RTN3: variants seen among roughly 807,000 people sequenced by gnomAD.
The protein encoded by RTN3 is reticulon-3.
In RTN3, 49 loss-of-function variants were observed where a neutral mutation model predicts 77.8. That is an observed-to-expected ratio of 0.63 (90% confidence interval 0.50 to 0.80). RTN3 has a LOEUF of 0.80. RTN3 is among the 30% of genes least tolerant of loss of function. RTN3 has a pLI of 0.00. For missense variants in RTN3, 1,236 were observed against 1,211.9 expected, an observed-to-expected ratio of 1.02 and a Z score of -0.29; for synonymous variants, 464 against 446.9, an observed-to-expected ratio of 1.04 and a Z score of -0.48.
chr11:63,720,601 G>A lies in RTN3; in HGVS notation c.2099G>A (p.Gly700Asp). 1 of 1,613,958 alleles carries A rather than the reference G, an allele frequency of 6.2e-7. No homozygotes were observed. Among genetic ancestry groups the A allele is most frequent in the South Asian group, 1.1e-5 (1 of 91,052 alleles). ...GTCTTACATGAAAATGAGTCCGGTGGTTCTGAAATTAAAGACATTGGAAGC... is the reference window on the plus strand; with the variant it reads ...GTCTTACATGAAAATGAGTCCGGTGATTCTGAAATTAAAGACATTGGAAGC... ...VEVLHENESGGSEIKDIGSKY... is the reference protein window; with the variant it reads ...VEVLHENESGDSEIKDIGSKY... Residue 700 changes from glycine to aspartate, a missense_variant, in exon 3 of 9, where the codon GGT (glycine) becomes GAT (aspartate). Gly to Asp is a moderately conservative substitution (Grantham distance 94). Transcript: ENST00000377819.
chr11:63,703,745 T>C (rs1246499797), intron 1 of RTN3, among the ~76,000 whole-genome samples: 2 of 151,440 alleles, frequency 1.3e-5, no homozygotes, highest in Non-Finnish European at 1.5e-5. Context: ...GGTTTCACCG[T>C]GTTAGCCAGG....
Position 63,720,626 on chromosome 11 carries a change from C to G in RTN3, c.2124C>G (p.Ser708Arg), listed in dbSNP as rs773178728. Residue 708 changes from serine (S) to arginine (R), a missense_variant, in exon 3 of 9, where the codon AGC becomes AGG. Coordinates refer to ENST00000377819, the MANE Select transcript of RTN3 (RefSeq NM_001265589.2). ...GTTCTGAAATTAAAGACATTGGAAG[C>G]AAATACAGTGAACAAAGCAAAGAAA... is the stretch of plus-strand genomic sequence containing the variant. ...SGGSEIKDIG[S>R]KYSEQSKETN... 5.0e-6 allele frequency: 8 copies of G among 1,613,928 alleles called. No individual in the cohort carries two copies. The East Asian group carries it at 1.8e-4, about 36-fold the overall frequency.
At position 63,719,810 on chromosome 11, in the gene RTN3, G is replaced by T; in HGVS notation, c.1308G>T (p.Val436=). ...NSTKEFSIKG[V]QGNMQKQDDT... ...CAAAAGAATTCAGTATCAAAGGTGT[G>T]CAAGGCAATATGCAGAAACAGGATG... is the stretch of plus-strand genomic sequence containing the variant. The change falls in exon 3 of 9, where the codon GTG becomes GTT. Residue 436 remains valine, a synonymous_variant. Coordinates refer to ENST00000377819, the MANE Select transcript of RTN3 (RefSeq NM_001265589.2). 1 of 1,614,192 alleles carries T rather than the reference G, an allele frequency of 6.2e-7. No homozygotes were observed. Among genetic ancestry groups the T allele is most frequent in the South Asian group, 1.1e-5 (1 of 91,074 alleles).
intron 3 of RTN3, among the ~76,000 whole-genome samples, chr11:63,727,996 C>A (rs2012405543): frequency 6.6e-6 from 1 of 152,114 alleles, no homozygotes; most frequent in African/African-American, 2.4e-5. Flanking sequence ...AGATAACCAT[C>A]AGGGCCAGTG....
At chr11:63,687,295 G>A (rs745379681) in intron 1 of RTN3, among the ~76,000 whole-genome samples, 3 of 152,108 alleles carry the variant, frequency 2.0e-5, no homozygotes, top group Non-Finnish European at 4.4e-5. Context: ...TGGGATAATA[G>A]TATCTATCTT....
intron 3 of RTN3, among the ~76,000 whole-genome samples, chr11:63,727,741 G>A (rs563725044): frequency 7.2e-5 from 11 of 152,286 alleles, no homozygotes; most frequent in African/African-American, 2.2e-4. Context: ...TAGGGAGGCC[G>A]AGGCAGGAGG....
chr11:63,710,998 G>T (rs538822374), intron 2 of RTN3, among the ~76,000 whole-genome samples: 1 of 152,284 alleles, frequency 6.6e-6, no homozygotes, highest in East Asian at 1.9e-4. Context: ...AAATTTACTG[G>T]CTGGGTGTGG....
At chr11:63,699,225 TG>T (rs1942115114) in intron 1 of RTN3, among the ~76,000 whole-genome samples, 1 of 151,392 alleles carries the variant, frequency 6.6e-6, no homozygotes, top group Non-Finnish European at 1.5e-5. Flanking sequence ...CACTTGAACC[TG>T]GGAGGCGGAG....
Position 63,720,474 on chromosome 11 carries a change from T to G in RTN3, c.1972T>G (p.Phe658Val). Reference sequence around the variant, plus strand: ...CTCCCCAGAGGACCTGATAGCAGCCTTTACAGAAACCAGAGATAAAGGAAT... The same window carrying G: ...CTCCCCAGAGGACCTGATAGCAGCCGTTACAGAAACCAGAGATAAAGGAAT... Reference protein sequence around the residue: ...DSSPEDLIAAFTETRDKGIVD... With the variant: ...DSSPEDLIAAVTETRDKGIVD... The change falls in exon 3 of 9, where the codon TTT becomes GTT. Residue 658 changes from phenylalanine (F) to valine (V), a missense_variant. By Grantham distance (50) the Phe-to-Val change is conservative (BLOSUM62 -1). Coordinates refer to ENST00000377819, the MANE Select transcript of RTN3 (RefSeq NM_001265589.2). The G allele has an allele frequency of 1.2e-6, 2 of 1,613,258 alleles. No homozygotes were observed. Among genetic ancestry groups the G allele is most frequent in the Non-Finnish European group, 1.7e-6 (2 of 1,179,784 alleles).
intron 3 of RTN3, among the ~76,000 whole-genome samples, chr11:63,729,758 C>T (rs370574837): frequency 1.3e-5 from 2 of 151,842 alleles, no homozygotes; most frequent in African/African-American, 4.8e-5. Flanking sequence ...CTATGCCCAG[C>T]CTGTTTCTAC....
chr11:63,735,650 C>T (rs974355139), intron 3 of RTN3, among the ~76,000 whole-genome samples: 9 of 149,142 alleles, frequency 6.0e-5, no homozygotes, highest in Admixed American at 5.4e-4. Context: ...CCACCTCAGC[C>T]TCCTGAGTGG....
chr11:63,724,496 T>TG (rs1378413611), intron 3 of RTN3, among the ~76,000 whole-genome samples: 2 of 140,168 alleles, frequency 1.4e-5, no homozygotes, highest in African/African-American at 5.5e-5. Flanking sequence ...TTTTTTTTTT[T>TG]TTTTTTTTTT....
chr11:63,741,235 T>C (rs2013456192), intron 3 of RTN3, among the ~76,000 whole-genome samples: 1 of 151,562 alleles, frequency 6.6e-6, no homozygotes, highest in African/African-American at 2.4e-5. Context: ...GGAGTTTCGC[T>C]CTTGTCGCCC....
Position 63,719,025 on chromosome 11 carries a change from C to G in RTN3, c.523C>G (p.Gln175Glu). The G allele has an allele frequency of 1.9e-6, 3 of 1,614,106 alleles. No homozygotes were observed. The highest frequency in any genetic ancestry group is 8.5e-7 in the Non-Finnish European group (1 of 1,180,028). ...TGCTTTTCTCTCAAAGAAAATTGGT[C>G]AAGTGGAAGAGCAAATAGATAAAGA... is the stretch of plus-strand genomic sequence containing the variant. ...HPAFLSKKIG[Q>E]VEEQIDKETK... Residue 175 changes from glutamine (Q) to glutamate (E), a missense_variant, in exon 3 of 9, where the codon CAA (glutamine) becomes GAA (glutamate). Gln to Glu is a conservative substitution (Grantham distance 29). Transcript: ENST00000377819.
At chr11:63,708,039 G>A (rs2134747038) in intron 2 of RTN3, among the ~76,000 whole-genome samples, 1 of 152,210 alleles carries the variant, frequency 6.6e-6, no homozygotes, top group Non-Finnish European at 1.5e-5. Flanking sequence ...TGTTTTCTAG[G>A]GTAGCCAAGA....
chr11:63,708,514 A>G (rs565933387), intron 2 of RTN3, among the ~76,000 whole-genome samples: 25 of 152,146 alleles, frequency 1.6e-4, no homozygotes, highest in East Asian at 1.9e-4. Flanking sequence ...CCTGAAATAC[A>G]TATTTATCAT....
intron 3 of RTN3, among the ~76,000 whole-genome samples, chr11:63,723,766 C>T (rs1447181867): frequency 6.6e-6 from 1 of 152,116 alleles, no homozygotes; most frequent in Admixed American, 6.6e-5. Flanking sequence ...GCATATTCTT[C>T]CTTTCTAAGG....
At chr11:63,734,754 CA>C (rs1565333289) in intron 3 of RTN3, among the ~76,000 whole-genome samples, 33 of 149,668 alleles carry the variant, frequency 2.2e-4, no homozygotes, top group South Asian at 1.9e-3. Flanking sequence ...CACACACACA[CA>C]CACACACACA....
chr11:63,697,613 TTA>T (rs1942031492), intron 1 of RTN3, among the ~76,000 whole-genome samples: 1 of 151,996 alleles, frequency 6.6e-6, no homozygotes, highest in Non-Finnish European at 1.5e-5. Flanking sequence ...GTAGCTGGGA[TTA>T]TGGGCACCTG....
Sources: allele counts gnomAD v4.1 joint callset (sites outside exome capture counted in the v4.1 genomes callset), GRCh38; gene constraint gnomAD v4.1.1; transcripts MANE v1.5; gene names NCBI Gene and HGNC (gene_info 2026-07-23, HGNC 2026-07-21).